Variants in DGKI observed in about 807,000 individuals in gnomAD.
The protein encoded by DGKI is DAG kinase iota.
In DGKI, 55 loss-of-function variants were observed where a neutral mutation model predicts 147.5. The ratio of observed to expected loss-of-function variants is 0.37; its 90% CI spans 0.30 to 0.47. The LOEUF (loss-of-function observed/expected upper bound fraction) is 0.47, where lower values mean the gene tolerates loss of function less well. Among genes scored for constraint, DGKI ranks in the 20% least tolerant of loss-of-function variants. The pLI is 1.00. For missense variants in DGKI, 1,007 were observed against 1,323.8 expected (o/e 0.76, Z 3.71); for synonymous variants, 469 against 477.1 (o/e 0.98, Z 0.22).
Position 137,390,475 on chromosome 7 carries a change from C to A in DGKI, c.*745G>T. 6.5e-6 allele frequency: 1 copy of A among 152,976 alleles called. No homozygotes were observed. The highest frequency in any genetic ancestry group is 1.9e-4 in the East Asian group (1 of 5,174). 9.5% of individuals were successfully genotyped at this position (152,976 alleles called of 1,614,324 possible). A position where few individuals can be genotyped will look rare whatever the true frequency, so the allele number is the denominator to read the frequency against. Reference sequence around the variant, plus strand: ...AGTCCTGCATGGCTATTGGCTACAGCCCAGCAGCCTGGGCTGACCCCTGGG... The same window carrying A: ...AGTCCTGCATGGCTATTGGCTACAGACCAGCAGCCTGGGCTGACCCCTGGG... On this transcript the variant is annotated 3_prime_UTR_variant, in exon 33 of 33. Transcript: ENST00000614521.
At chr7:137,634,040 A>G (rs1036734734) in intron 6 of DGKI, among the ~76,000 whole-genome samples, 35 of 152,256 alleles carry the variant, frequency 2.3e-4, no homozygotes, top group Non-Finnish European at 2.9e-5. Context: ...CCCCATGTCA[A>G]TGAAGCTTCT....
At position 137,631,554 on chromosome 7, in the gene DGKI, A is replaced by T. The variant is rs1418996354; in HGVS notation, c.805-8000T>A. Among the ~76,000 whole-genome samples the T allele has an allele frequency of 2.6e-5, 4 of 152,320 alleles. No homozygotes were observed. The East Asian group carries it at 7.7e-4, about 29-fold the overall frequency. On this transcript the variant is annotated intron_variant, in intron 6 of 32. Coordinates refer to ENST00000614521, the MANE Select transcript of DGKI (RefSeq NM_001321708.2). ...CAGGACCTAATCACTATGTACTAGC[A>T]GGAATGGGAGAGAGTGGGGGACTGG...
At chr7:137,478,499 T>G (rs1402237079) in intron 23 of DGKI, among the ~76,000 whole-genome samples, 1 of 152,146 alleles carries the variant, frequency 6.6e-6, no homozygotes, top group Non-Finnish European at 1.5e-5. Flanking sequence ...ATTACTGAAT[T>G]TTCTCTAATT....
intron 8 of DGKI, among the ~76,000 whole-genome samples, chr7:137,613,889 C>T (rs753790133): frequency 2.0e-5 from 3 of 152,088 alleles, no homozygotes; most frequent in Non-Finnish European, 2.9e-5. Flanking sequence ...CCCTTACACT[C>T]GAAGTGGTTC....
rs78174738 is a variant in DGKI, at chr7:137,805,370, C to T, written c.401+41092G>A. ...GAGCGAATGGAGAAAGAATGCCTAC[C>T]ATCCCTTACGCTGTCTGCAGGGAAG... On this transcript the variant is annotated intron_variant, in intron 1 of 32. Coordinates refer to ENST00000614521, the MANE Select transcript of DGKI (RefSeq NM_001321708.2). 5.9e-3 allele frequency among the ~76,000 whole-genome samples: 900 copies of T among 152,256 alleles called. 16 individuals are homozygous for T. The highest frequency in any genetic ancestry group is 0.021 in the African/African-American group (862 of 41,538).
intron 1 of DGKI, among the ~76,000 whole-genome samples, chr7:137,734,773 T>A (rs1274498800): frequency 1.3e-5 from 2 of 152,130 alleles, no homozygotes; most frequent in Non-Finnish European, 2.9e-5. Flanking sequence ...CAATTTCCAA[T>A]GCAGCAACAG....
chr7:137,490,074 A>G (rs2128937481), intron 21 of DGKI, among the ~76,000 whole-genome samples: 1 of 152,316 alleles, frequency 6.6e-6, no homozygotes, highest in East Asian at 1.9e-4. Context: ...ACTGCTTTTG[A>G]TTGAGCAATA....
chr7:137,538,138 G>A (rs1173844842), intron 20 of DGKI, among the ~76,000 whole-genome samples: 1 of 152,132 alleles, frequency 6.6e-6, no homozygotes, highest in African/African-American at 2.4e-5. Flanking sequence ...CTGGCCAGAG[G>A]CATGCAAACA....
chr7:137,727,138 T>C (rs1794740088), intron 1 of DGKI, among the ~76,000 whole-genome samples: 1 of 152,146 alleles, frequency 6.6e-6, no homozygotes, highest in African/African-American at 2.4e-5. Context: ...TAAGTATTTT[T>C]TTCCTTAACA....
At chr7:137,811,382 T>TCACA (rs1212884751) in intron 1 of DGKI, among the ~76,000 whole-genome samples, 1 of 98,496 alleles carries the variant, frequency 1.0e-5, no homozygotes, top group Non-Finnish European at 2.2e-5. Flanking sequence ...TCTCTCTCTC[T>TCACA]CTCACACACA....
chr7:137,486,744 G>A (rs1334370018), intron 22 of DGKI, among the ~76,000 whole-genome samples: 1 of 152,054 alleles, frequency 6.6e-6, no homozygotes, highest in African/African-American at 2.4e-5. Context: ...ACAACTCAGA[G>A]GGATTTTAAA....
intron 20 of DGKI, among the ~76,000 whole-genome samples, chr7:137,525,578 TA>T (rs767880742): frequency 6.6e-6 from 1 of 152,148 alleles, no homozygotes; most frequent in Non-Finnish European, 1.5e-5. Context: ...AGTTCCTAGT[TA>T]ATCAGGAAAC....
chr7:137,561,434 G>A (rs1818416363), intron 19 of DGKI, among the ~76,000 whole-genome samples: 1 of 151,360 alleles, frequency 6.6e-6, no homozygotes. Flanking sequence ...GGAAAGGGAG[G>A]GACAGGAAAA....
intron 28 of DGKI, among the ~76,000 whole-genome samples, chr7:137,424,578 G>C (rs1045420616): frequency 6.6e-6 from 1 of 152,130 alleles, no homozygotes; most frequent in East Asian, 1.9e-4. Context: ...GCCAAAGCAG[G>C]GTGAGGCATT....
intron 27 of DGKI, among the ~76,000 whole-genome samples, chr7:137,446,917 GA>G (rs1340057182): frequency 1.3e-5 from 2 of 152,138 alleles, no homozygotes; most frequent in African/African-American, 4.8e-5. Flanking sequence ...CACCACACCT[GA>G]AAGACATGTG....
chr7:137,843,931 C>T (rs1798633534), intron 1 of DGKI, among the ~76,000 whole-genome samples: 1 of 152,162 alleles, frequency 6.6e-6, no homozygotes, highest in Non-Finnish European at 1.5e-5. Context: ...ACGCAAGCAG[C>T]CATGCTCCAT....
At chr7:137,561,316 G>C (rs1723098) in intron 19 of DGKI, among the ~76,000 whole-genome samples, 7,806 of 152,216 alleles carry the variant, frequency 0.051, 506 homozygotes, top group African/African-American at 0.13. Context: ...AAGATAGGAA[G>C]AGAACGTTAA....
chr7:137,759,596 C>T (rs1795794870), intron 1 of DGKI, among the ~76,000 whole-genome samples: 1 of 152,182 alleles, frequency 6.6e-6, no homozygotes, highest in Admixed American at 6.5e-5. Context: ...CCCGCCTCAG[C>T]CTCCCAAAGT....
intron 6 of DGKI, among the ~76,000 whole-genome samples, chr7:137,635,428 C>T (rs1323913500): frequency 6.6e-6 from 1 of 152,218 alleles, no homozygotes; most frequent in Non-Finnish European, 1.5e-5. Context: ...TGACTGGAAT[C>T]AATGCATATT....
Sources: gnomAD v4.1 joint callset for allele counts (sites outside exome capture counted in the v4.1 genomes callset) on GRCh38, gnomAD v4.1.1 for gene constraint, MANE v1.5 for transcripts, NCBI Gene and HGNC (gene_info 2026-07-23, HGNC 2026-07-21) for gene names.